STX17: variants seen among roughly 807,000 people sequenced by gnomAD.
STX17 encodes syntaxin 17.
STX17 carries 29 observed loss-of-function variants against 35.9 expected under a neutral mutation model. That is an observed-to-expected ratio of 0.81 (90% confidence interval 0.60 to 1.10). The LOEUF (loss-of-function observed/expected upper bound fraction) is 1.10. STX17 is among the 50% of genes least tolerant of loss of function. STX17 has a pLI of 0.00. For synonymous variants in STX17, 92 were observed against 118.3 expected, an observed-to-expected ratio of 0.78 and a Z score of 1.44; for missense variants, 312 against 352.3, an observed-to-expected ratio of 0.89 and a Z score of 0.92.
At chr9:99,928,011 A>G (rs963934103) in intron 2 of STX17, among the ~76,000 whole-genome samples, 2 of 152,152 alleles carry the variant, frequency 1.3e-5, no homozygotes, top group Non-Finnish European at 2.9e-5. Flanking sequence ...ATTATTTCTA[A>G]GTTGATGTTT....
intron 6 of STX17, among the ~76,000 whole-genome samples, chr9:99,964,405 A>T (rs1037083270): frequency 1.3e-5 from 2 of 152,192 alleles, no homozygotes; most frequent in Admixed American, 1.3e-4. Flanking sequence ...GAGTCATTTG[A>T]GAATTTTCTT....
chr9:99,951,001 G>T, intron 3 of STX17, 59 bp from the exon 4 acceptor site: 3 of 1,426,152 alleles, frequency 2.1e-6, no homozygotes, highest in Non-Finnish European at 2.9e-6. Flanking sequence ...CATTACTTCT[G>T]AAAAGAAAGA....
chr9:99,924,248 G>C (rs1587916153), intron 2 of STX17, among the ~76,000 whole-genome samples: 2 of 152,324 alleles, frequency 1.3e-5, no homozygotes, highest in African/African-American at 2.4e-5. Flanking sequence ...TCGGAGGGCA[G>C]GAGGTCAGAG....
At chr9:99,951,500 T>G (rs551944090) in intron 4 of STX17, among the ~76,000 whole-genome samples, 91 of 152,158 alleles carry the variant, frequency 6.0e-4, no homozygotes, top group African/African-American at 2.0e-3. Flanking sequence ...GGAGTGGGAC[T>G]TCAGGGAAAG....
Position 99,968,735 on chromosome 9 carries a change from G to A in STX17, c.*62G>A. On this transcript the variant is annotated 3_prime_UTR_variant, in exon 8 of 8. Coordinates refer to ENST00000259400, the MANE Select transcript of STX17 (RefSeq NM_017919.3). ...ATCCTGAGGACCTTTGCTGCTGTTG[G>A]ACACTCCGTCACCTTTTGGAACACA... 3.8e-6 allele frequency: 6 copies of A among 1,567,110 alleles called. 1 individual carries two copies. The African/African-American group carries it at 5.4e-5, about 14-fold the overall frequency.
intron 3 of STX17, among the ~76,000 whole-genome samples, chr9:99,945,198 G>A (rs920543302): frequency 2.0e-5 from 3 of 151,930 alleles, no homozygotes; most frequent in Non-Finnish European, 4.4e-5. Context: ...ATTACTTAAA[G>A]GTGTTAAAGC....
intron 6 of STX17, among the ~76,000 whole-genome samples, chr9:99,965,771 G>A (rs1829900212): frequency 6.6e-6 from 1 of 152,132 alleles, no homozygotes; most frequent in Admixed American, 6.6e-5. Context: ...GAAAGAAAAA[G>A]TTAAATATAT....
At chr9:99,908,241 A>G (rs1828589589) in intron 1 of STX17, among the ~76,000 whole-genome samples, 1 of 145,752 alleles carries the variant, frequency 6.9e-6, no homozygotes, top group Non-Finnish European at 1.6e-5. Context: ...TTTTCTCCTT[A>G]TAATTGACAT....
At chr9:99,957,764 C>T (rs1829739320) in intron 4 of STX17, among the ~76,000 whole-genome samples, 1 of 150,414 alleles carries the variant, frequency 6.6e-6, no homozygotes, top group Non-Finnish European at 1.5e-5. Flanking sequence ...AGTAATTCTT[C>T]TGCCTCAGCC....
intron 2 of STX17, among the ~76,000 whole-genome samples, chr9:99,922,886 G>A (rs1828915410): frequency 1.3e-5 from 2 of 152,178 alleles, no homozygotes; most frequent in Admixed American, 6.5e-5. Context: ...TCTTCCCAAG[G>A]TCTGGGCAGT....
chr9:99,966,320 A>G (rs1829909978), intron 6 of STX17, among the ~76,000 whole-genome samples: 1 of 152,232 alleles, frequency 6.6e-6, no homozygotes, highest in Non-Finnish European at 1.5e-5. Flanking sequence ...ATGAAGGGAT[A>G]CCACAATGGC....
chr9:99,960,697 C>A (rs1228168998), intron 6 of STX17, among the ~76,000 whole-genome samples: 1 of 152,218 alleles, frequency 6.6e-6, no homozygotes, highest in African/African-American at 2.4e-5. Context: ...CCGCCTCAGC[C>A]TCCCAAAGTT....
intron 6 of STX17, among the ~76,000 whole-genome samples, chr9:99,965,353 C>T (rs572108639): frequency 4.2e-4 from 64 of 152,308 alleles, no homozygotes; most frequent in African/African-American, 1.3e-3. Flanking sequence ...TGAGGCTTTA[C>T]GATTACACTT....
At chr9:99,936,671 TA>T (rs773426765) in intron 3 of STX17, among the ~76,000 whole-genome samples, 19 of 152,218 alleles carry the variant, frequency 1.2e-4, no homozygotes, top group Non-Finnish European at 2.2e-4. Flanking sequence ...GGTATTATTC[TA>T]TTTCACATAT....
At position 99,972,266 on chromosome 9, in the gene STX17, T is replaced by C. The variant is rs1277606270; in HGVS notation, c.*3593T>C. On this transcript the variant is annotated 3_prime_UTR_variant, in exon 8 of 8. Transcript: ENST00000259400. ...ACCATTGTTTAAACAGTGCTTTTTGTGTAATTTAAAAATAAACTTTAATGC... is the reference window on the plus strand; with the variant it reads ...ACCATTGTTTAAACAGTGCTTTTTGCGTAATTTAAAAATAAACTTTAATGC... Among the ~76,000 whole-genome samples the C allele has an allele frequency of 1.3e-5, 2 of 152,272 alleles. No homozygotes were observed. The highest frequency in any genetic ancestry group is 2.9e-5 in the Non-Finnish European group (2 of 68,038).
chr9:99,959,300 T>TG (rs1251847043), intron 4 of STX17, among the ~76,000 whole-genome samples: 1 of 151,968 alleles, frequency 6.6e-6, no homozygotes, highest in Non-Finnish European at 1.5e-5. Flanking sequence ...TCTAGCATTT[T>TG]GGGAAGCTGA....
intron 4 of STX17, among the ~76,000 whole-genome samples, chr9:99,954,637 T>C (rs1829671965): frequency 3.3e-5 from 5 of 152,064 alleles, no homozygotes; most frequent in African/African-American, 1.2e-4. Flanking sequence ...TAGATACTTA[T>C]TATAGTAGCA....
At chr9:99,941,903 G>A (rs576074001) in intron 3 of STX17, among the ~76,000 whole-genome samples, 12 of 152,170 alleles carry the variant, frequency 7.9e-5, no homozygotes, top group South Asian at 4.2e-4. Context: ...GGACATTTGA[G>A]TTGTTCAGTT....
intron 2 of STX17, among the ~76,000 whole-genome samples, 190 bp from the exon 3 acceptor site, chr9:99,928,588 A>G (rs1829037786): frequency 6.6e-6 from 1 of 152,030 alleles, no homozygotes; most frequent in African/African-American, 2.4e-5. Context: ...TAATTTCCGT[A>G]ATTTTGTATG....
Sources: allele counts gnomAD v4.1 joint callset (sites outside exome capture counted in the v4.1 genomes callset), GRCh38; gene constraint gnomAD v4.1.1; transcripts MANE v1.5; gene names NCBI Gene and HGNC (gene_info 2026-07-23, HGNC 2026-07-21).